Variants in TIMM23B observed in about 807,000 individuals in gnomAD.
TIMM23B encodes the protein translocase of inner mitochondrial membrane 23 homolog B.
In TIMM23B, 27 loss-of-function variants were observed where a neutral mutation model predicts 27.3. That is an observed-to-expected ratio of 0.99 (90% CI 0.73 to 1.36). The LOEUF (loss-of-function observed/expected upper bound fraction) is 1.36. TIMM23B is among the 40% of genes most tolerant of loss of function. The probability of loss-of-function intolerance (pLI) is 0.00; values close to 1 mark genes in which losing one functional copy is unlikely to be tolerated. For missense variants in TIMM23B, 205 were observed against 244.2 expected (o/e 0.84, Z 1.07); for synonymous variants, 73 against 92.4 (o/e 0.79, Z 1.21).
chr10:49,965,168 A>G (rs752385935), intron 6 of TIMM23B, among the ~76,000 whole-genome samples: 5 of 151,708 alleles, frequency 3.3e-5, no homozygotes, highest in Non-Finnish European at 7.4e-5. Flanking sequence ...TGCGGTGAGC[A>G]GAGATCACAC....
chr10:49,958,604 T>TTTGG (rs1839798845), intron 6 of TIMM23B, 124 bp downstream of exon 6: 2 of 826,046 alleles, frequency 2.4e-6, no homozygotes, highest in African/African-American at 3.4e-5. Flanking sequence ...TTATGGTTAT[T>TTTGG]TTGGTTTGGT....
chr10:49,957,387 T>C (rs61847087), intron 5 of TIMM23B, among the ~76,000 whole-genome samples: 1 of 151,732 alleles, frequency 6.6e-6, no homozygotes, highest in African/African-American at 2.4e-5. Flanking sequence ...GCTGGGACTA[T>C]AGGCAACATG....
At position 49,952,206 on chromosome 10, in the gene TIMM23B, G is replaced by A. The variant is rs1255279171; in HGVS notation, c.246G>A (p.Gly82=). ...RFELAFFTIG[G]CCMTGAAFGA... ...AGCTGGCCTTCTTTACGATTGGAGG[G>A]TGTTGCATGACAGGTGAGTGTTACA... The change falls in exon 3 of 7, where the codon GGG becomes GGA. Residue 82 remains glycine (G), a synonymous_variant. Transcript: ENST00000651259. 12 of 1,605,992 alleles carry A rather than the reference G, an allele frequency of 7.5e-6. No homozygotes were observed. In the African/African-American group the frequency reaches 1.2e-4, roughly 16 times the overall value.
intron 6 of TIMM23B, among the ~76,000 whole-genome samples, chr10:49,963,792 C>T (rs1554854950): frequency 6.6e-6 from 1 of 152,094 alleles, no homozygotes; most frequent in East Asian, 1.9e-4. Context: ...ATGATGAAAC[C>T]CCATCTCTAC....
intron 6 of TIMM23B, 30 bp downstream of exon 6, chr10:49,958,510 T>G: frequency 1.2e-6 from 2 of 1,605,460 alleles, no homozygotes; most frequent in South Asian, 1.1e-5. Context: ...GAGCCATCTC[T>G]TAATATACTT....
At chr10:49,953,854 A>G (rs1839620511) in intron 4 of TIMM23B, among the ~76,000 whole-genome samples, 2 of 152,256 alleles carry the variant, frequency 1.3e-5, no homozygotes, top group South Asian at 4.1e-4. Context: ...ACCATCAACC[A>G]TGGCCAGTTC....
intron 6 of TIMM23B, among the ~76,000 whole-genome samples, chr10:49,972,452 T>TC (rs1433553870): frequency 2.5e-4 from 37 of 150,422 alleles, no homozygotes; most frequent in African/African-American, 8.8e-4. Flanking sequence ...ACACAAGATT[T>TC]CCCCACTGCC....
At chr10:49,964,389 G>A (rs147409438) in intron 6 of TIMM23B, among the ~76,000 whole-genome samples, 3,471 of 151,250 alleles carry the variant, frequency 0.023, 56 homozygotes, top group South Asian at 0.075. Flanking sequence ...GAAATGCCAG[G>A]TGTGGTGGCG....
chr10:49,964,182 CTTGAAG>C (rs1554855021), intron 6 of TIMM23B, among the ~76,000 whole-genome samples: 2 of 150,466 alleles, frequency 1.3e-5, no homozygotes, highest in Middle Eastern at 3.5e-3. Flanking sequence ...GAGTCTCCAT[CTTGAAG>C]TGAAATGAAA....
intron 6 of TIMM23B, among the ~76,000 whole-genome samples, chr10:49,958,930 C>G (rs1839810896): frequency 6.6e-6 from 1 of 152,130 alleles, no homozygotes; most frequent in Non-Finnish European, 1.5e-5. Context: ...TTGCGTGTGC[C>G]AGAATTCCCT....
At chr10:49,946,115 T>C (rs1839349189) in intron 2 of TIMM23B, among the ~76,000 whole-genome samples, 4 of 151,544 alleles carry the variant, frequency 2.6e-5, no homozygotes, top group African/African-American at 7.3e-5. Context: ...GCTTGAACCC[T>C]GGATACAAAG....
At chr10:49,961,541 C>G (rs1193945942) in intron 6 of TIMM23B, among the ~76,000 whole-genome samples, 5 of 152,116 alleles carry the variant, frequency 3.3e-5, no homozygotes, top group African/African-American at 9.6e-5. Context: ...TCCCTCACCA[C>G]TGCCCCCATC....
At chr10:49,965,499 G>A (rs1462997507) in intron 6 of TIMM23B, among the ~76,000 whole-genome samples, 1 of 149,964 alleles carries the variant, frequency 6.7e-6, no homozygotes, top group Non-Finnish European at 1.5e-5. Context: ...GCGATAGAGC[G>A]AGTCTCTGTC....
chr10:49,946,019 G>A (rs1466382201), intron 2 of TIMM23B, among the ~76,000 whole-genome samples: 91 of 152,354 alleles, frequency 6.0e-4, no homozygotes, highest in Admixed American at 2.0e-3. Context: ...GCGAAACGCT[G>A]TTTCTACTAA....
At chr10:49,967,096 G>GT (rs1554855557) in intron 6 of TIMM23B, among the ~76,000 whole-genome samples, 15 of 152,028 alleles carry the variant, frequency 9.9e-5, no homozygotes, top group Non-Finnish European at 7.4e-5. Flanking sequence ...ATTTTTTTGT[G>GT]TTTTTTGTAG....
intron 6 of TIMM23B, among the ~76,000 whole-genome samples, chr10:49,960,936 A>G (rs1237808718): frequency 1.3e-5 from 2 of 150,162 alleles, no homozygotes; most frequent in African/African-American, 2.4e-5. Flanking sequence ...CATGTCATCA[A>G]AGGTTTTTGG....
In TIMM23B at chr10:49,952,539, T is replaced by C; in HGVS notation, c.344+6T>C. The C allele has an allele frequency of 1.2e-6, 2 of 1,613,024 alleles. No individual in the cohort carries two copies. The highest frequency in any genetic ancestry group is 3.3e-5 in the Admixed American group (2 of 59,946). On this transcript the variant is annotated splice_donor_region_variant and intron_variant, in intron 4 of 6. Transcript: ENST00000651259. ...TCCAAACCAGGAAATGTACAGTAAG[T>C]CTCTTGTAACCATCTGATGTAGTGA... is the stretch of plus-strand genomic sequence containing the variant.
rs1839794266 is a variant in TIMM23B at position 49,958,459 on chromosome 10, G to C, written c.493G>C (p.Gly165Arg). ...LNTVAAGTMT[G>R]MLYKCTVSEM... The stretch of plus-strand genomic sequence containing the variant: ...CACAGTAGCAGCTGGAACCATGACA[G>C]GCATGTTGTATAAATGTACAGGTGA... Residue 165 changes from glycine to arginine, a missense_variant, in exon 6 of 7, where the codon GGC (glycine) becomes CGC (arginine). Physicochemically the swap from Gly to Arg is moderately radical, Grantham distance 125. Coordinates refer to ENST00000651259, the MANE Select transcript of TIMM23B (RefSeq NM_001290117.2). 3.7e-6 allele frequency: 6 copies of C among 1,613,232 alleles called. No homozygotes were observed. Among genetic ancestry groups the C allele is most frequent in the Middle Eastern group, 3.3e-4 (2 of 6,046 alleles).
chr10:49,973,203 GTC>G lies in TIMM23B; in HGVS notation c.*143_*144del, dbSNP rs749800610. On this transcript the variant is annotated 3_prime_UTR_variant, in exon 7 of 7. Coordinates refer to ENST00000651259, the MANE Select transcript of TIMM23B (RefSeq NM_001290117.2). ...TTTTCCATGGAATGGACAAGTAGTA[GTC>G]TCTGTCAGAGCTACATTTTAAAGGA... is the stretch of plus-strand genomic sequence containing the variant. 470 of 568,096 alleles carry G rather than the reference GTC, an allele frequency of 8.3e-4. 3 individuals are homozygous for G. The highest frequency in any genetic ancestry group is 1.9e-3 in the Middle Eastern group (4 of 2,158). The allele number at this position is 568,096 out of a possible 1,614,324, so 35.2% of individuals were successfully genotyped here. A position where few individuals can be genotyped will look rare whatever the true frequency, so the allele number is the denominator to read the frequency against.
Sources: allele counts gnomAD v4.1 joint callset (sites outside exome capture counted in the v4.1 genomes callset), GRCh38; gene constraint gnomAD v4.1.1; transcripts MANE v1.5; gene names NCBI Gene and HGNC (gene_info 2026-07-23, HGNC 2026-07-21).